The following PCOLCE2 variants were observed in gnomAD, a reference collection of about 807,000 sequenced individuals.
PCOLCE2 encodes procollagen C-proteinase enhancer 2.
In PCOLCE2, 42 loss-of-function variants were observed where a neutral mutation model predicts 47.0. The observed-to-expected ratio is 0.89, with a 90% confidence interval of 0.70 to 1.16. PCOLCE2 has a LOEUF of 1.16. Among genes scored for constraint, PCOLCE2 ranks in the 50% most tolerant of loss-of-function variants. The pLI is 0.00. For missense variants in PCOLCE2, 500 were observed against 526.1 expected, an observed-to-expected ratio of 0.95 and a Z score of 0.49; for synonymous variants, 169 against 191.7, an observed-to-expected ratio of 0.88 and a Z score of 0.98.
intron 2 of PCOLCE2, among the ~76,000 whole-genome samples, chr3:142,850,016 G>A (rs570092097): frequency 9.2e-5 from 14 of 152,218 alleles, no homozygotes; most frequent in Admixed American, 2.0e-4. Flanking sequence ...ATTTGCCATC[G>A]TTGCATTCTA....
At chr3:142,855,918 G>A (rs1933051191) in intron 2 of PCOLCE2, among the ~76,000 whole-genome samples, 2 of 152,166 alleles carry the variant, frequency 1.3e-5, no homozygotes, top group Non-Finnish European at 2.9e-5. Context: ...CTGAGACTGG[G>A]GAAGTTGTTT....
intron 2 of PCOLCE2, among the ~76,000 whole-genome samples, chr3:142,871,745 A>C (rs1933389085): frequency 6.6e-6 from 1 of 152,210 alleles, no homozygotes; most frequent in Non-Finnish European, 1.5e-5. Context: ...CCCTAATCCC[A>C]CAATCACATA....
At chr3:142,876,483 C>T (rs1447188148) in intron 2 of PCOLCE2, among the ~76,000 whole-genome samples, 1 of 152,090 alleles carries the variant, frequency 6.6e-6, no homozygotes, top group Non-Finnish European at 1.5e-5. Flanking sequence ...AACAAACCAC[C>T]CCCAAATTTA....
At chr3:142,827,375 A>G in intron 6 of PCOLCE2, 1 of 1,543,680 alleles carries the variant, frequency 6.5e-7, no homozygotes, top group Non-Finnish European at 8.9e-7. Context: ...CACACCAACC[A>G]CAGCTCTGTT....
At chr3:142,818,607 G>C in intron 8 of PCOLCE2, 142 bp from the exon 9 acceptor site, 1 of 702,512 alleles carries the variant, frequency 1.4e-6, no homozygotes, top group Non-Finnish European at 2.4e-6. Context: ...ATAAAATCTG[G>C]GTTTCTTGTT....
intron 2 of PCOLCE2, among the ~76,000 whole-genome samples, chr3:142,871,930 C>T (rs1390383325): frequency 6.6e-6 from 1 of 152,094 alleles, no homozygotes; most frequent in Non-Finnish European, 1.5e-5. Flanking sequence ...CTGATACAGC[C>T]TCCCTGTGCC....
chr3:142,860,510 G>A (rs1933161281), intron 2 of PCOLCE2, among the ~76,000 whole-genome samples: 1 of 152,010 alleles, frequency 6.6e-6, no homozygotes, highest in Non-Finnish European at 1.5e-5. Flanking sequence ...CCAAGCTCAA[G>A]CTATTCTCCT....
At chr3:142,885,395 CA>C (rs1466637516) in intron 2 of PCOLCE2, among the ~76,000 whole-genome samples, 1 of 152,184 alleles carries the variant, frequency 6.6e-6, no homozygotes, top group African/African-American at 2.4e-5. Flanking sequence ...GATACTGAAT[CA>C]CTCAATGGGA....
chr3:142,852,940 A>G (rs1932979487), intron 2 of PCOLCE2, among the ~76,000 whole-genome samples: 1 of 151,568 alleles, frequency 6.6e-6, no homozygotes, highest in South Asian at 2.1e-4. Flanking sequence ...TCGTGTCTCT[A>G]CAAAAAATTT....
intron 7 of PCOLCE2, among the ~76,000 whole-genome samples, chr3:142,822,161 C>G (rs1937023135): frequency 6.6e-6 from 1 of 152,116 alleles, no homozygotes; most frequent in South Asian, 2.1e-4. Flanking sequence ...AGGTGATCCA[C>G]CTGCCTCGGC....
chr3:142,883,629 G>A (rs1377491887), intron 2 of PCOLCE2, among the ~76,000 whole-genome samples: 1 of 151,436 alleles, frequency 6.6e-6, no homozygotes, highest in Non-Finnish European at 1.5e-5. Context: ...ACGTTGGCCA[G>A]GCTGGTCTTG....
rs190294825 is a variant in PCOLCE2, at chr3:142,888,646, G to A, written c.83+168C>T. ...GAGCAAGGATGGGTCCCGAAGTCCC[G>A]GGCTTAGCCTACCCGAGGGTGGCGG... On this transcript the variant is annotated intron_variant, in intron 1 of 8. Coordinates refer to ENST00000295992, the MANE Select transcript of PCOLCE2 (RefSeq NM_013363.4). 1,548 of 446,686 alleles carry A rather than the reference G, an allele frequency of 3.5e-3. 22 individuals are homozygous for A. The highest frequency in any genetic ancestry group is 0.029 in the African/African-American group (1,401 of 48,892). 27.7% of individuals were successfully genotyped at this position (446,686 alleles called of 1,614,324 possible).
intron 2 of PCOLCE2, 104 bp downstream of exon 2, chr3:142,887,556 TATTTCAGGC>T: frequency 1.5e-6 from 1 of 647,762 alleles, no homozygotes; most frequent in East Asian, 2.6e-5. Context: ...AACATTTCAC[TATTTCAGGC>T]ATTTGCCTCT....
chr3:142,882,221 ACAGGGTCTCTTTACGTTGTTCAGG>A (rs1217652141), intron 2 of PCOLCE2, among the ~76,000 whole-genome samples: 1 of 151,828 alleles, frequency 6.6e-6, no homozygotes, highest in Non-Finnish European at 1.5e-5. Flanking sequence ...AATTGCAGAG[ACAGGGTCTCTTTACGTTGTTCAGG>A]CTGATCTTGA....
chr3:142,828,545 T>G (rs1937110950), intron 6 of PCOLCE2, among the ~76,000 whole-genome samples: 1 of 152,116 alleles, frequency 6.6e-6, no homozygotes, highest in Non-Finnish European at 1.5e-5. Context: ...AGATAGAGGA[T>G]ATCAAAGATG....
intron 5 of PCOLCE2, among the ~76,000 whole-genome samples, chr3:142,833,460 G>A (rs1211699436): frequency 6.6e-6 from 1 of 151,178 alleles, no homozygotes; most frequent in Non-Finnish European, 1.5e-5. Context: ...GGGATTACAG[G>A]CATGAGCCAC....
In PCOLCE2 at chr3:142,827,349, G is replaced by A. The variant is rs960041310; in HGVS notation, c.865+2343C>T. 112 of 1,484,282 alleles carry A rather than the reference G, an allele frequency of 7.5e-5. 1 individual carries two copies. Among genetic ancestry groups the A allele is most frequent in the East Asian group, 2.3e-5 (1 of 44,090 alleles). The allele number at this position is 1,484,282 out of a possible 1,614,324, so 91.9% of individuals were successfully genotyped here. Reference sequence around the variant, plus strand: ...GCCTTCAAGATGGGTTTGTCAGTTCGGCCACCTCCAGCCACCACACCAACC... The same window carrying A: ...GCCTTCAAGATGGGTTTGTCAGTTCAGCCACCTCCAGCCACCACACCAACC... On this transcript the variant is annotated intron_variant, in intron 6 of 8. Transcript: ENST00000295992.
chr3:142,843,168 G>A, intron 3 of PCOLCE2, 120 bp from the exon 4 acceptor site: 1 of 942,480 alleles, frequency 1.1e-6, no homozygotes, highest in Non-Finnish European at 1.7e-6. Context: ...GGCAACAGCA[G>A]AAGCGCTTAC....
intron 1 of PCOLCE2, chr3:142,888,602 A>G: frequency 2.4e-6 from 1 of 420,276 alleles, no homozygotes. Context: ...CGGGCTGGGG[A>G]CCCAGGAGGG....
Sources: allele counts gnomAD v4.1 joint callset (sites outside exome capture counted in the v4.1 genomes callset), GRCh38; gene constraint gnomAD v4.1.1; transcripts MANE v1.5; gene names NCBI Gene and HGNC (gene_info 2026-07-23, HGNC 2026-07-21).